Variants in PDZRN4 observed in about 807,000 individuals in gnomAD.
PDZRN4 encodes PDZ domain-containing RING finger protein 4.
A neutral mutation model predicts 99.0 loss-of-function variants in PDZRN4; 70 were observed. That is an observed-to-expected ratio of 0.71 (90% CI 0.58 to 0.86). The LOEUF (loss-of-function observed/expected upper bound fraction) is 0.86. Among genes scored for constraint, PDZRN4 ranks in the 40% least tolerant of loss-of-function variants. The pLI is 0.00. For synonymous variants in PDZRN4, 551 were observed against 501.6 expected (o/e 1.10, Z -1.32); for missense variants, 1,474 against 1,331.2 (o/e 1.11, Z -1.67).
chr12:41,532,527 A>G (rs1023239214), intron 5 of PDZRN4, among the ~76,000 whole-genome samples: 1 of 152,202 alleles, frequency 6.6e-6, no homozygotes, highest in Admixed American at 6.5e-5. Context: ...AATCATGAAC[A>G]TGAGTTCTTC....
At chr12:41,373,318 G>GGACGA (rs1952056716) in intron 3 of PDZRN4, among the ~76,000 whole-genome samples, 1 of 152,024 alleles carries the variant, frequency 6.6e-6, no homozygotes. Context: ...CAAAATTATT[G>GGACGA]GGAATTTCCT....
At chr12:41,372,167 C>T (rs531511197) in intron 3 of PDZRN4, among the ~76,000 whole-genome samples, 1 of 152,202 alleles carries the variant, frequency 6.6e-6, no homozygotes, top group East Asian at 1.9e-4. Context: ...AGATAAGATC[C>T]TTCAAGTGCT....
At chr12:41,461,184 G>T (rs912920369) in intron 3 of PDZRN4, among the ~76,000 whole-genome samples, 1 of 150,140 alleles carries the variant, frequency 6.7e-6, no homozygotes, top group Admixed American at 6.7e-5. Flanking sequence ...AACAACCATT[G>T]TGCTGCATGA....
In PDZRN4 at chr12:41,491,484, T is replaced by G. The variant is rs375063166; in HGVS notation, c.844-14972T>G. 2.9e-4 allele frequency among the ~76,000 whole-genome samples: 44 copies of G among 152,160 alleles called. No individual in the cohort carries two copies. In the East Asian group the frequency reaches 4.5e-3, roughly 15 times the overall value. On this transcript the variant is annotated intron_variant, in intron 3 of 9. Transcript: ENST00000402685. ...TTGCAGTGAGCCAAGATCATGCCAC[T>G]GCACTCCAGCCTGAGCCACAGAGTG...
intron 3 of PDZRN4, among the ~76,000 whole-genome samples, chr12:41,268,491 G>T (rs546180579): frequency 2.6e-5 from 4 of 152,310 alleles, no homozygotes; most frequent in African/African-American, 9.6e-5. Context: ...AAAGGATAAA[G>T]GTTAAACAAA....
chr12:41,427,341 A>G (rs771613201), intron 3 of PDZRN4, among the ~76,000 whole-genome samples: 4 of 152,174 alleles, frequency 2.6e-5, no homozygotes, highest in African/African-American at 9.7e-5. Context: ...CATATTAACT[A>G]ATATTTATTG....
Position 41,572,453 on chromosome 12 carries a change from A to G in PDZRN4, c.1674A>G (p.Thr558=). ...AGAAGGACAGTGGAGTAGGACGTAC[A>G]GATGAAAGCTTGCGAAATGATGAGA... The part of the protein sequence containing the change: ...NHEKDSGVGR[T]DESLRNDESS... Residue 558 remains threonine (T), a synonymous_variant, in exon 10 of 10, where the codon ACA becomes ACG. Transcript: ENST00000402685. 1.9e-6 allele frequency: 3 copies of G among 1,614,190 alleles called. No individual in the cohort carries two copies. Among genetic ancestry groups the G allele is most frequent in the Non-Finnish European group, 2.5e-6 (3 of 1,180,014 alleles).
intron 3 of PDZRN4, among the ~76,000 whole-genome samples, chr12:41,216,689 T>C (rs549376308): frequency 5.9e-5 from 9 of 152,222 alleles, no homozygotes; most frequent in Admixed American, 5.9e-4. Context: ...TGGGCCTGTT[T>C]ATTTGATCTG....
chr12:41,215,458 A>C lies in PDZRN4; in HGVS notation c.843+21270A>C, dbSNP rs570392216. On this transcript the variant is annotated intron_variant, in intron 3 of 9. Transcript: ENST00000402685. ...TGATGGTGTTCTTGAATGCCATTTG[A>C]ATATCACTTTTTAAATTATCACGAG... is the stretch of plus-strand genomic sequence containing the variant. 2.6e-5 allele frequency among the ~76,000 whole-genome samples: 4 copies of C among 152,188 alleles called. No individual in the cohort carries two copies. The South Asian group carries it at 8.3e-4, about 32-fold the overall frequency.
intron 3 of PDZRN4, among the ~76,000 whole-genome samples, chr12:41,249,653 G>T (rs1436942908): frequency 1.3e-5 from 2 of 152,124 alleles, no homozygotes; most frequent in Non-Finnish European, 2.9e-5. Context: ...TATTTAAGAA[G>T]CATAACGATG....
At chr12:41,524,396 C>T (rs551735751) in intron 5 of PDZRN4, among the ~76,000 whole-genome samples, 102 of 152,248 alleles carry the variant, frequency 6.7e-4, no homozygotes, top group African/African-American at 2.4e-3. Flanking sequence ...TCCCATTTTA[C>T]ATATGAAAGA....
intron 3 of PDZRN4, among the ~76,000 whole-genome samples, chr12:41,203,015 A>G (rs1950827494): frequency 6.6e-6 from 1 of 152,068 alleles, no homozygotes; most frequent in South Asian, 2.1e-4. Context: ...TCAGAAAAAA[A>G]TAGTTAACAA....
chr12:41,491,958 T>C (rs996536208), intron 3 of PDZRN4, among the ~76,000 whole-genome samples: 1 of 152,166 alleles, frequency 6.6e-6, no homozygotes, highest in African/African-American at 2.4e-5. Context: ...TTTAATAACC[T>C]AATTTATACT....
At chr12:41,403,224 C>T (rs779257827) in intron 3 of PDZRN4, among the ~76,000 whole-genome samples, 2 of 152,240 alleles carry the variant, frequency 1.3e-5, no homozygotes, top group South Asian at 2.1e-4. Context: ...TAGGAAACCT[C>T]GGGGTGAAAG....
chr12:41,352,088 G>T (rs1951894396), intron 3 of PDZRN4, among the ~76,000 whole-genome samples: 1 of 152,020 alleles, frequency 6.6e-6, no homozygotes, highest in Admixed American at 6.6e-5. Context: ...TTTGAAAAAA[G>T]TGGGGATGTA....
chr12:41,465,938 C>T (rs1337336751), intron 3 of PDZRN4, among the ~76,000 whole-genome samples: 1 of 151,984 alleles, frequency 6.6e-6, no homozygotes, highest in Non-Finnish European at 1.5e-5. Flanking sequence ...AGTTCATTAT[C>T]AGTGTATTGT....
chr12:41,462,623 G>T (rs1269885834), intron 3 of PDZRN4, among the ~76,000 whole-genome samples: 4 of 152,084 alleles, frequency 2.6e-5, no homozygotes, highest in African/African-American at 7.2e-5. Flanking sequence ...ATCTTTTCTA[G>T]CCAACCTCTG....
chr12:41,437,839 C>A, intron 3 of PDZRN4: 1 of 1,600,168 alleles, frequency 6.2e-7, no homozygotes, highest in Non-Finnish European at 8.5e-7. Flanking sequence ...ACTGAAGTGA[C>A]TGATGAAAAA....
At chr12:41,378,520 A>ATTTTTTTTT (rs71081733) in intron 3 of PDZRN4, among the ~76,000 whole-genome samples, 26,127 of 100,728 alleles carry the variant, frequency 0.26, 4,251 homozygotes, top group Non-Finnish European at 0.33. Context: ...TCTGTCTTCA[A>ATTTTTTTTT]TTTTTTTTTT....
Sources: allele counts gnomAD v4.1 joint callset (sites outside exome capture counted in the v4.1 genomes callset), GRCh38; gene constraint gnomAD v4.1.1; transcripts MANE v1.5; gene names NCBI Gene and HGNC (gene_info 2026-07-23, HGNC 2026-07-21).